The following NELL1 variants were observed in gnomAD, a reference collection of about 807,000 sequenced individuals.
NELL1 encodes neural EGFL like 1.
In NELL1, 76 loss-of-function variants were observed where a neutral mutation model predicts 107.4. The observed-to-expected ratio is 0.71, with a 90% CI of 0.59 to 0.86. The LOEUF is 0.86. Among genes scored for constraint, NELL1 ranks in the 40% least tolerant of loss-of-function variants. The pLI is 0.00. For missense variants in NELL1, 1,024 were observed against 1,005.5 expected (o/e 1.02, Z -0.25); for synonymous variants, 353 against 341.2 (o/e 1.03, Z -0.38).
At chr11:21,202,733 A>G (rs1857298001) in intron 13 of NELL1, among the ~76,000 whole-genome samples, 1 of 152,002 alleles carries the variant, frequency 6.6e-6, no homozygotes, top group Admixed American at 6.6e-5. Context: ...GTCATTTTAG[A>G]TCTTTCCTGC....
intron 13 of NELL1, among the ~76,000 whole-genome samples, chr11:21,150,489 A>G (rs1032874928): frequency 2.0e-5 from 3 of 152,178 alleles, no homozygotes; most frequent in African/African-American, 7.2e-5. Flanking sequence ...AGCCATAAGA[A>G]GGGCATGAGG....
chr11:20,712,820 G>T (rs1855146755), intron 2 of NELL1, among the ~76,000 whole-genome samples: 1 of 152,202 alleles, frequency 6.6e-6, no homozygotes, highest in Non-Finnish European at 1.5e-5. Flanking sequence ...CAAGTCCTGT[G>T]ATATGATCCA....
At chr11:21,102,791 T>G (rs76945931) in intron 12 of NELL1, among the ~76,000 whole-genome samples, 2,125 of 152,284 alleles carry the variant, frequency 0.014, 59 homozygotes, top group African/African-American at 0.046. Flanking sequence ...GAATAATTAT[T>G]ATGCATTTAA....
chr11:21,170,572 A>G (rs1174538214), intron 13 of NELL1, among the ~76,000 whole-genome samples: 1 of 151,618 alleles, frequency 6.6e-6, no homozygotes. Context: ...GCACTTTTGT[A>G]AGCTTCCTTA....
Position 21,355,544 on chromosome 11 carries a change from A to G in NELL1, c.1550-15309A>G, listed in dbSNP as rs545113160. ...CAGTCAGCAAATAAGAAGTGAAACC[A>G]GGACTAGAAGATAGATCTGTTTCTA... is the stretch of plus-strand genomic sequence containing the variant. On this transcript the variant is annotated intron_variant, in intron 14 of 19. Coordinates refer to ENST00000357134, the MANE Select transcript of NELL1 (RefSeq NM_006157.5). Among the ~76,000 whole-genome samples the G allele has an allele frequency of 8.2e-4, 125 of 152,348 alleles. 3 individuals are homozygous for G. Among genetic ancestry groups the G allele is most frequent in the Middle Eastern group, 3.4e-3 (1 of 294 alleles).
chr11:20,754,812 G>A (rs74453181), intron 2 of NELL1, among the ~76,000 whole-genome samples: 1,879 of 152,262 alleles, frequency 0.012, 31 homozygotes, highest in African/African-American at 0.043. Context: ...CAAAATTACA[G>A]TGAATCTCAT....
intron 15 of NELL1, among the ~76,000 whole-genome samples, chr11:21,485,954 A>G (rs1420744294): frequency 6.6e-6 from 1 of 152,110 alleles, no homozygotes; most frequent in African/African-American, 2.4e-5. Flanking sequence ...ACCTACCTGT[A>G]CAAGCCACTT....
chr11:21,406,428 T>C (rs1356809281), intron 15 of NELL1, among the ~76,000 whole-genome samples: 3 of 151,890 alleles, frequency 2.0e-5, no homozygotes, highest in African/African-American at 4.8e-5. Flanking sequence ...AAGAAGTAGA[T>C]TACTGAATGA....
intron 5 of NELL1, among the ~76,000 whole-genome samples, chr11:20,909,720 T>C (rs904162924): frequency 1.3e-5 from 2 of 152,176 alleles, no homozygotes; most frequent in Non-Finnish European, 2.9e-5. Flanking sequence ...CTGCCCACCA[T>C]GCCTCAGCCA....
At chr11:20,958,595 C>T (rs1851226840) in intron 11 of NELL1, among the ~76,000 whole-genome samples, 1 of 151,924 alleles carries the variant, frequency 6.6e-6, no homozygotes, top group African/African-American at 2.4e-5. Flanking sequence ...AACCGTATAC[C>T]CAGTAAAACT....
At chr11:20,738,853 C>G (rs1221026907) in intron 2 of NELL1, among the ~76,000 whole-genome samples, 7 of 152,112 alleles carry the variant, frequency 4.6e-5, no homozygotes, top group Admixed American at 4.6e-4. Flanking sequence ...TCTTTAACCC[C>G]AGGAAGTGGA....
At chr11:21,525,702 A>G (rs531708451) in intron 15 of NELL1, among the ~76,000 whole-genome samples, 7 of 152,328 alleles carry the variant, frequency 4.6e-5, no homozygotes, top group African/African-American at 1.7e-4. Flanking sequence ...CAATCATGGC[A>G]GAAGGTGAAT....
chr11:21,412,801 G>T (rs904462808), intron 15 of NELL1, among the ~76,000 whole-genome samples: 1 of 152,096 alleles, frequency 6.6e-6, no homozygotes, highest in Non-Finnish European at 1.5e-5. Context: ...GGAAGGGAGG[G>T]TGACATGGTG....
At chr11:21,384,731 A>C (rs1851699566) in intron 15 of NELL1, among the ~76,000 whole-genome samples, 1 of 151,952 alleles carries the variant, frequency 6.6e-6, no homozygotes, top group Admixed American at 6.6e-5. Context: ...TTTACTGAGA[A>C]TGATGATTTC....
At chr11:21,560,056 T>A in intron 16 of NELL1, 133 bp from the exon 17 acceptor site, 1 of 796,592 alleles carries the variant, frequency 1.3e-6, no homozygotes, top group Non-Finnish European at 2.2e-6. Flanking sequence ...AGATAATACA[T>A]GTGAACAGCT....
chr11:20,732,215 A>G (rs1031705489), intron 2 of NELL1, among the ~76,000 whole-genome samples: 1 of 152,060 alleles, frequency 6.6e-6, no homozygotes, highest in Non-Finnish European at 1.5e-5. Context: ...CCTGAGACCT[A>G]GATAGAACTT....
chr11:20,846,481 A>G (rs1252774874), intron 3 of NELL1, among the ~76,000 whole-genome samples: 1 of 152,112 alleles, frequency 6.6e-6, no homozygotes, highest in African/African-American at 2.4e-5. Flanking sequence ...AAGCCTAGTT[A>G]CCTGTCTAGG....
At chr11:21,267,517 T>A (rs962396153) in intron 14 of NELL1, among the ~76,000 whole-genome samples, 1 of 152,110 alleles carries the variant, frequency 6.6e-6, no homozygotes, top group African/African-American at 2.4e-5. Flanking sequence ...GCGAGTATGA[T>A]CTATAAAAAC....
intron 15 of NELL1, among the ~76,000 whole-genome samples, chr11:21,435,982 T>C (rs1853107329): frequency 6.6e-6 from 1 of 152,186 alleles, no homozygotes; most frequent in Non-Finnish European, 1.5e-5. Context: ...CATTTCTTTT[T>C]TTAGGAGACT....
Sources: allele counts gnomAD v4.1 joint callset (sites outside exome capture counted in the v4.1 genomes callset), GRCh38; gene constraint gnomAD v4.1.1; transcripts MANE v1.5; gene names NCBI Gene and HGNC (gene_info 2026-07-23, HGNC 2026-07-21).